The following C2 variants were observed in gnomAD, a reference collection of about 807,000 sequenced individuals.
C2 encodes the protein C3/C5 convertase.
A neutral mutation model predicts 85.2 loss-of-function variants in C2; 64 were observed. That is an observed-to-expected ratio of 0.75 (90% CI 0.61 to 0.92). The LOEUF is 0.92. Ranked by LOEUF, C2 falls within the 40% of genes least tolerant of loss-of-function variation. The pLI is 0.00. For missense variants in C2, 820 were observed against 971.6 expected (o/e 0.84, Z 2.07); for synonymous variants, 311 against 370.8 (o/e 0.84, Z 1.85).
At chr6:31,900,323 T>G (rs768001507), upstream of C2, 3 of 1,611,086 alleles carry the variant, frequency 1.9e-6, no homozygotes, top group Non-Finnish European at 1.7e-6. This position sits in a 1 kb window ranked among gnomAD's most constrained non-coding sequence, Gnocchi z 9.7. Context: ...CTTTAAGGGG[T>G]TTCCACCTGA....
chr6:31,911,721 C>T (rs1374021983), intron 1 of C2, among the ~76,000 whole-genome samples: 1 of 151,482 alleles, frequency 6.6e-6, no homozygotes, highest in Non-Finnish European at 1.5e-5. Flanking sequence ...CCTCCGCCTC[C>T]CGGGTTCAAG....
rs1169369997 is a variant in C2, at chr6:31,944,540, C to G, written c.1903-187C>G. On this transcript the variant is annotated intron_variant, in intron 15 of 17. Coordinates refer to ENST00000299367, the MANE Select transcript of C2 (RefSeq NM_000063.6). The surrounding 1 kb of genome is among the most constrained non-coding windows in gnomAD (Gnocchi z 5.1). Reference sequence around the variant, plus strand: ...GAGATTACAGGTGCCCACCACCACACCAGCTAATTTTTGTATTTTTAGTAG... The same window carrying G: ...GAGATTACAGGTGCCCACCACCACAGCAGCTAATTTTTGTATTTTTAGTAG... Among the ~76,000 whole-genome samples, 1 of 152,164 alleles carries G rather than the reference C, an allele frequency of 6.6e-6. No individual in the cohort carries two copies. Among genetic ancestry groups the G allele is most frequent in the African/African-American group, 2.4e-5 (1 of 41,426 alleles).
At chr6:31,918,936 T>C (rs566603865), upstream of C2, among the ~76,000 whole-genome samples, 1 of 150,334 alleles carries the variant, frequency 6.7e-6, no homozygotes, top group South Asian at 2.1e-4. Flanking sequence ...GGGTGGTATA[T>C]AGACATGAAC....
At chr6:31,909,962 C>T (rs1767979967) in intron 1 of C2, among the ~76,000 whole-genome samples, 1 of 151,628 alleles carries the variant, frequency 6.6e-6, no homozygotes, top group Non-Finnish European at 1.5e-5. Context: ...CTCACTGCAA[C>T]CTCTGCCTCC....
Position 31,944,716 on chromosome 6 carries a change from C to G in C2, c.1903-11C>G, listed in dbSNP as rs778610492. ...ATTCTACCCTTCTCTCTGGTTCCAC[C>G]CCTGCTGCAGTGGACAAGCTGTGCC... On this transcript the variant is annotated splice_polypyrimidine_tract_variant and intron_variant, in intron 15 of 17. Coordinates refer to ENST00000299367, the MANE Select transcript of C2 (RefSeq NM_000063.6). The surrounding 1 kb of genome is among the most constrained non-coding windows in gnomAD (Gnocchi z 5.1). 1.2e-6 allele frequency: 2 copies of G among 1,613,056 alleles called. No homozygotes were observed. The highest frequency in any genetic ancestry group is 8.5e-7 in the Non-Finnish European group (1 of 1,180,020).
Position 31,927,825 on chromosome 6 carries a change from A to G in C2, c.46+27A>G. On this transcript the variant is annotated intron_variant, in intron 1 of 17. Coordinates refer to ENST00000299367, the MANE Select transcript of C2 (RefSeq NM_000063.6). The surrounding 1 kb of genome is among the most constrained non-coding windows in gnomAD (Gnocchi z 4.7). Reference sequence around the variant, plus strand: ...TAGGAGGCAGGGAAGGGGGAACGTCAGGGTCCTGTGTGTGAGGTTGGTGCT... The same window carrying G: ...TAGGAGGCAGGGAAGGGGGAACGTCGGGGTCCTGTGTGTGAGGTTGGTGCT... 6.2e-7 allele frequency: 1 copy of G among 1,611,190 alleles called. No individual in the cohort carries two copies. Among genetic ancestry groups the G allele is most frequent in the Non-Finnish European group, 8.5e-7 (1 of 1,177,380 alleles).
intron 1 of C2, among the ~76,000 whole-genome samples, chr6:31,909,858 A>C (rs1465706532): frequency 6.6e-6 from 1 of 151,468 alleles, no homozygotes; most frequent in Non-Finnish European, 1.5e-5. Context: ...CCTTGCCAAC[A>C]GTTGTTATTT....
At chr6:31,919,120 ATTTCT>A (rs548466657), upstream of C2, among the ~76,000 whole-genome samples, 100 of 148,900 alleles carry the variant, frequency 6.7e-4, no homozygotes, top group African/African-American at 9.9e-4. Flanking sequence ...CCAGTAGGGT[ATTTCT>A]TTTCTTTTCT....
rs760358514 is a variant in C2, at chr6:31,943,354, A to G, written c.1455+35A>G. On this transcript the variant is annotated intron_variant, in intron 11 of 17. Coordinates refer to ENST00000299367, the MANE Select transcript of C2 (RefSeq NM_000063.6). This position sits in a 1 kb window ranked among gnomAD's most constrained non-coding sequence, Gnocchi z 6.4. ...AGGAGGGGCAGGGCTTGGATTCCAG[A>G]GGTAAAAGCGGCCATGGGCCAGACA... 5 of 1,608,930 alleles carry G rather than the reference A, an allele frequency of 3.1e-6. No homozygotes were observed. The East Asian group carries it at 1.1e-4, about 36-fold the overall frequency.
chr6:31,925,246 A>G (rs2151735688), upstream of C2, among the ~76,000 whole-genome samples: 1 of 152,196 alleles, frequency 6.6e-6, no homozygotes, highest in East Asian at 1.9e-4. Context: ...ACAAAGGTTT[A>G]TTTTTTGGTC....
intron 5 of C2, 54 bp from the exon 6 acceptor site, chr6:31,934,112 G>T: frequency 6.2e-7 from 1 of 1,603,616 alleles, no homozygotes; most frequent in African/African-American, 1.3e-5. Context: ...CCTGCTTGGC[G>T]AGAGCGCAGG....
chr6:31,927,854 A>C lies in C2; in HGVS notation c.46+56A>C, dbSNP rs180745280. 210 of 1,595,266 alleles carry C rather than the reference A, an allele frequency of 1.3e-4. No individual in the cohort carries two copies. The Admixed American group carries it at 1.5e-3, about 11-fold the overall frequency. ...TCCTGTGTGTGAGGTTGGTGCTCCC[A>C]GCTTGAATTCCCATGTGTGAAACAG... On this transcript the variant is annotated intron_variant, in intron 1 of 17. Coordinates refer to ENST00000299367, the MANE Select transcript of C2 (RefSeq NM_000063.6). This position sits in a 1 kb window ranked among gnomAD's most constrained non-coding sequence, Gnocchi z 4.7.
rs753626068 is a variant in C2, at chr6:31,944,710, T to A, written c.1903-17T>A. 1 of 1,612,992 alleles carries A rather than the reference T, an allele frequency of 6.2e-7. No homozygotes were observed. The highest frequency in any genetic ancestry group is 8.5e-7 in the Non-Finnish European group (1 of 1,180,024). ...CTGCTTATTCTACCCTTCTCTCTGGTTCCACCCCTGCTGCAGTGGACAAGC... is the reference window on the plus strand; with the variant it reads ...CTGCTTATTCTACCCTTCTCTCTGGATCCACCCCTGCTGCAGTGGACAAGC... On this transcript the variant is annotated splice_polypyrimidine_tract_variant and intron_variant, in intron 15 of 17. Coordinates refer to ENST00000299367, the MANE Select transcript of C2 (RefSeq NM_000063.6). This position sits in a 1 kb window ranked among gnomAD's most constrained non-coding sequence, Gnocchi z 5.1.
chr6:31,910,422 A>G (rs890437060), intron 1 of C2, among the ~76,000 whole-genome samples: 1 of 143,766 alleles, frequency 7.0e-6, no homozygotes, highest in African/African-American at 2.6e-5. Context: ...TGACCTCCCC[A>G]GGAACAGGTG....
Position 31,928,145 on chromosome 6 carries a change from G to A in C2, c.237G>A (p.Leu79=), listed in dbSNP as rs748642938. The A allele has an allele frequency of 1.2e-6, 2 of 1,610,012 alleles. No individual in the cohort carries two copies. Among genetic ancestry groups the A allele is most frequent in the South Asian group, 1.1e-5 (1 of 90,794 alleles). Residue 79 remains leucine, a synonymous_variant, in exon 2 of 18, where the codon CTG becomes CTA. Coordinates refer to ENST00000299367, the MANE Select transcript of C2 (RefSeq NM_000063.6). The part of the protein sequence containing the change: ...QWQTPGATRS[L]SKAVCKPVRC... Reference sequence around the variant, plus strand: ...AGACCCCAGGAGCCACCCGGTCTCTGTCTAAGGCGGTCTGCAAACGTGAGG... The same window carrying A: ...AGACCCCAGGAGCCACCCGGTCTCTATCTAAGGCGGTCTGCAAACGTGAGG...
At chr6:31,932,056 C>A (rs9267694) in intron 3 of C2, among the ~76,000 whole-genome samples, 5 of 106,928 alleles carry the variant, frequency 4.7e-5, no homozygotes, top group South Asian at 3.5e-4. Flanking sequence ...CACTTCCCAG[C>A]AGGGGCGGCC....
intron 8 of C2, 143 bp from the exon 9 acceptor site, chr6:31,939,088 C>T (rs654727): frequency 0.1 from 72,534 of 718,612 alleles, 4,340 homozygotes; most frequent in African/African-American, 0.19. Flanking sequence ...TGTGAGCCAC[C>T]ATGCCCAGCC....
chr6:31,929,325 T>C (rs757330482), intron 3 of C2, among the ~76,000 whole-genome samples: 3 of 152,252 alleles, frequency 2.0e-5, no homozygotes, highest in Non-Finnish European at 2.9e-5. Flanking sequence ...TTGGGAAGGC[T>C]ATTTAACCTT....
chr6:31,942,859 A>G, intron 9 of C2, 100 bp from the exon 10 acceptor site: 1 of 1,463,956 alleles, frequency 6.8e-7, no homozygotes. Flanking sequence ...CAGCTCATGT[A>G]GGTCTTGATT....
Sources: gnomAD v4.1 joint callset for allele counts (sites outside exome capture counted in the v4.1 genomes callset) on GRCh38, gnomAD v4.1.1 for gene constraint, Gnocchi (gnomAD v3.1) non-coding constraint, MANE v1.5 for transcripts, NCBI Gene and HGNC (gene_info 2026-07-23, HGNC 2026-07-21) for gene names.